NMNAT3: variants seen among roughly 807,000 people sequenced by gnomAD.
NMNAT3 encodes nicotinamide nucleotide adenylyltransferase 3.
Under a neutral mutation model 24.8 loss-of-function variants are expected in NMNAT3, and 21 were observed. The observed-to-expected ratio is 0.85, with a 90% CI of 0.60 to 1.22. The LOEUF (loss-of-function observed/expected upper bound fraction) is 1.22, where lower values mean the gene tolerates loss of function less well. NMNAT3 is among the 50% of genes most tolerant of loss of function. NMNAT3 has a pLI of 0.00. For synonymous variants in NMNAT3, 136 were observed against 155.2 expected (o/e 0.88, Z 0.92); for missense variants, 387 against 436.6 (o/e 0.89, Z 1.01).
At chr3:139,658,962 T>C (rs2057332182) in intron 1 of NMNAT3, among the ~76,000 whole-genome samples, 2 of 152,142 alleles carry the variant, frequency 1.3e-5, no homozygotes, top group Admixed American at 1.3e-4. Context: ...GCCACTATTC[T>C]AAGTTTTTCC....
At chr3:139,596,789 G>A (rs939981530) in intron 3 of NMNAT3, among the ~76,000 whole-genome samples, 1 of 151,604 alleles carries the variant, frequency 6.6e-6, no homozygotes, top group African/African-American at 2.4e-5. Context: ...CTCAGAGCAG[G>A]CCGAGCTGCT....
At chr3:139,662,843 C>T (rs567568443) in intron 1 of NMNAT3, among the ~76,000 whole-genome samples, 11 of 152,160 alleles carry the variant, frequency 7.2e-5, no homozygotes, top group South Asian at 6.2e-4. Flanking sequence ...CTTTTAATGA[C>T]CCCCCAATCA....
chr3:139,598,844 ATTTT>A (rs764739502), intron 3 of NMNAT3, among the ~76,000 whole-genome samples: 3 of 151,360 alleles, frequency 2.0e-5, no homozygotes, highest in Non-Finnish European at 4.4e-5. Flanking sequence ...GTTTGCCCAT[ATTTT>A]TTTTTCTACT....
At chr3:139,614,819 A>G (rs1371342224) in intron 3 of NMNAT3, among the ~76,000 whole-genome samples, 1 of 152,224 alleles carries the variant, frequency 6.6e-6, no homozygotes, top group Non-Finnish European at 1.5e-5. Context: ...GTCAGGAGTT[A>G]CTTGGTGACC....
intron 1 of NMNAT3, among the ~76,000 whole-genome samples, chr3:139,662,453 ATAAAAGTGCAGCTGC>A (rs2057446456): frequency 2.0e-5 from 3 of 152,188 alleles, no homozygotes; most frequent in Admixed American, 2.0e-4. Flanking sequence ...TAGTAAGCTC[ATAAAAGTGCAGCTGC>A]TAACACTGGG....
intron 3 of NMNAT3, among the ~76,000 whole-genome samples, chr3:139,605,662 A>G (rs188549578): frequency 9.1e-4 from 138 of 152,294 alleles, no homozygotes; most frequent in African/African-American, 3.1e-3. Context: ...GTTTGGCACA[A>G]GCTGGAAATG....
chr3:139,560,957 C>T lies in NMNAT3; in HGVS notation c.*53G>A, dbSNP rs1936291059. 6.4e-7 allele frequency: 1 copy of T among 1,553,446 alleles called. No individual in the cohort carries two copies. The highest frequency in any genetic ancestry group is 1.4e-5 in the African/African-American group (1 of 73,064). ...AAGTAAAACAGAAACCTTAACAGCC[C>T]TCTCCCCAGCAGGAGCTTGTTGGAG... On this transcript the variant is annotated 3_prime_UTR_variant, in exon 7 of 7. Transcript: ENST00000643695.
At position 139,561,302 on chromosome 3, in the gene NMNAT3, A is replaced by G. The variant is rs1323510921; in HGVS notation, c.749T>C (p.Ile250Thr). 3.1e-6 allele frequency: 5 copies of G among 1,613,926 alleles called. No homozygotes were observed. Among genetic ancestry groups the G allele is most frequent in the South Asian group, 1.1e-5 (1 of 91,046 alleles). ...GCACACCAAGCCAAACTTCTCCACTATTTCCTGGATGTGCGCATCCTTCCA... is the reference window on the plus strand; with the variant it reads ...GCACACCAAGCCAAACTTCTCCACTGTTTCCTGGATGTGCGCATCCTTCCA... Residue 250 changes from isoleucine to threonine, a missense_variant, in exon 7 of 7, where the codon ATA (isoleucine) becomes ACA (threonine). Physicochemically the swap from Ile to Thr is moderately conservative, Grantham distance 89 (BLOSUM62 -1). Around this residue, in one of 3 missense-constraint regions of NMNAT3, gnomAD observed 323 missense variants for 345.2 expected, o/e 0.94. Coordinates refer to ENST00000643695, the MANE Select transcript of NMNAT3 (RefSeq NM_001320510.2).
chr3:139,596,098 T>TG lies in NMNAT3; in HGVS notation c.110-12891dup, dbSNP rs569311193. ...TGCCACCTGGTCCCTACTTTGGAAC[T>TG]GCAGTCCCTTTTCGTATGACCTATG... On this transcript the variant is annotated intron_variant, in intron 3 of 6. Coordinates refer to ENST00000643695, the MANE Select transcript of NMNAT3 (RefSeq NM_001320510.2). Among the ~76,000 whole-genome samples the TG allele has an allele frequency of 1.9e-3, 283 of 152,342 alleles. 1 individual carries two copies. Among genetic ancestry groups the TG allele is most frequent in the African/African-American group, 6.2e-3 (258 of 41,592 alleles).
At chr3:139,594,763 C>A (rs891630245) in intron 3 of NMNAT3, among the ~76,000 whole-genome samples, 2 of 152,128 alleles carry the variant, frequency 1.3e-5, no homozygotes, top group African/African-American at 2.4e-5. Flanking sequence ...ATTCAACAAC[C>A]CTTCATGCTA....
intron 1 of NMNAT3, among the ~76,000 whole-genome samples, chr3:139,643,730 G>C (rs1034252471): frequency 6.6e-6 from 1 of 152,112 alleles, no homozygotes; most frequent in Non-Finnish European, 1.5e-5. Flanking sequence ...TGGGAGGAGA[G>C]GGGGAAGGAA....
At chr3:139,645,321 T>C (rs1163389298) in intron 1 of NMNAT3, among the ~76,000 whole-genome samples, 1 of 152,098 alleles carries the variant, frequency 6.6e-6, no homozygotes, top group East Asian at 1.9e-4. Context: ...CTGATTAAAG[T>C]TGATGAATGA....
chr3:139,677,492 T>C (rs558549384), intron 1 of NMNAT3, among the ~76,000 whole-genome samples: 1 of 152,292 alleles, frequency 6.6e-6, no homozygotes, highest in Admixed American at 6.5e-5. Context: ...GGGGTTAGGT[T>C]GACACGCTGC....
At chr3:139,593,251 A>G (rs1376053332) in intron 3 of NMNAT3, among the ~76,000 whole-genome samples, 3 of 152,258 alleles carry the variant, frequency 2.0e-5, no homozygotes, top group Non-Finnish European at 2.9e-5. Context: ...AAAGGGATCA[A>G]CAAGAAGAGC....
At chr3:139,587,986 A>G (rs295465) in intron 3 of NMNAT3, among the ~76,000 whole-genome samples, 125,280 of 152,146 alleles carry the variant, frequency 0.82, 52,806 homozygotes, top group East Asian at 0.97. Context: ...TCTTGATAGG[A>G]CAGGCCCTGC....
intron 2 of NMNAT3, among the ~76,000 whole-genome samples, chr3:139,630,564 T>A (rs575807743): frequency 1.8e-4 from 27 of 152,286 alleles, no homozygotes; most frequent in Admixed American, 1.6e-3. Context: ...GTTTTCTCCT[T>A]CTTGGGATTT....
At chr3:139,588,376 T>C (rs778016069) in intron 3 of NMNAT3, among the ~76,000 whole-genome samples, 1 of 152,190 alleles carries the variant, frequency 6.6e-6, no homozygotes, top group Non-Finnish European at 1.5e-5. Context: ...CTTGTTTATC[T>C]CTACCCTCTC....
intron 3 of NMNAT3, among the ~76,000 whole-genome samples, chr3:139,612,703 T>G (rs2055283320): frequency 6.6e-6 from 1 of 152,102 alleles, no homozygotes; most frequent in South Asian, 2.1e-4. Flanking sequence ...TTGCTAAGGC[T>G]CCTCCCATGG....
At position 139,653,758 on chromosome 3, in the gene NMNAT3, C is replaced by T. The variant is rs1400252017; in HGVS notation, c.-140-15696G>A. 9.2e-5 allele frequency among the ~76,000 whole-genome samples: 14 copies of T among 152,312 alleles called. No homozygotes were observed. The East Asian group carries it at 1.2e-3, about 13-fold the overall frequency. On this transcript the variant is annotated intron_variant, in intron 1 of 6. Coordinates refer to ENST00000643695, the MANE Select transcript of NMNAT3 (RefSeq NM_001320510.2). ...AGCCCCAGAAACTCCTCAAGCAAAC[C>T]GTAGCTGCCTAGACTTTCTTCCCCT...
Sources: gnomAD v4.1 joint callset for allele counts (sites outside exome capture counted in the v4.1 genomes callset) on GRCh38, gnomAD v4.1.1 for gene constraint, gnomAD v4.1.1 regional missense constraint, MANE v1.5 for transcripts, NCBI Gene and HGNC (gene_info 2026-07-23, HGNC 2026-07-21) for gene names.